Variants in SFRP1 observed in about 807,000 individuals in gnomAD.
SFRP1 encodes secreted frizzled-related protein 1.
A neutral mutation model predicts 25.9 loss-of-function variants in SFRP1; 9 were observed. The observed-to-expected ratio is 0.35, with a 90% confidence interval of 0.21 to 0.61. The LOEUF (loss-of-function observed/expected upper bound fraction) is 0.61. Among genes scored for constraint, SFRP1 ranks in the 20% least tolerant of loss-of-function variants. The pLI is 0.78. For missense variants in SFRP1, 346 were observed against 418.2 expected (o/e 0.83, Z 1.51); for synonymous variants, 178 against 174.0 (o/e 1.02, Z -0.18).
Position 41,265,598 on chromosome 8 carries a change from T to G in SFRP1, c.623-109A>C, listed in dbSNP as rs1000179079. 9 of 763,966 alleles carry G rather than the reference T, an allele frequency of 1.2e-5. No individual in the cohort carries two copies. The African/African-American group carries it at 1.6e-4, about 14-fold the overall frequency. 47.3% of individuals were successfully genotyped at this position (763,966 alleles called of 1,614,324 possible). ...GTGATTGCATTTTATTATTTTATTT[T>G]TTGGCTTATACTTTCTTCTTGTAAA... On this transcript the variant is annotated intron_variant, in intron 2 of 2. Coordinates refer to ENST00000220772, the MANE Select transcript of SFRP1 (RefSeq NM_003012.5).
intron 2 of SFRP1, among the ~76,000 whole-genome samples, chr8:41,285,133 A>G (rs1478947854): frequency 1.3e-5 from 2 of 152,252 alleles, no homozygotes; most frequent in African/African-American, 2.4e-5. Context: ...CGAACTTCAC[A>G]TATAGATGCA....
chr8:41,271,114 A>T (rs1803500065), intron 2 of SFRP1: 1 of 154,186 alleles, frequency 6.5e-6, no homozygotes, highest in Admixed American at 6.5e-5. Flanking sequence ...CAAAAACCGT[A>T]GTTACTTCTG....
intron 2 of SFRP1, among the ~76,000 whole-genome samples, chr8:41,297,551 A>G (rs1478213397): frequency 6.6e-6 from 1 of 152,156 alleles, no homozygotes; most frequent in African/African-American, 2.4e-5. Flanking sequence ...AGACATAATA[A>G]TTATTACAGA....
At chr8:41,301,499 C>A (rs1803916228) in intron 2 of SFRP1, among the ~76,000 whole-genome samples, 1 of 151,982 alleles carries the variant, frequency 6.6e-6, no homozygotes, top group Non-Finnish European at 1.5e-5. Context: ...GACAAAAAAA[C>A]AAAAAGGTTT....
chr8:41,288,821 G>A (rs1212274197), intron 2 of SFRP1, among the ~76,000 whole-genome samples: 1 of 152,162 alleles, frequency 6.6e-6, no homozygotes, highest in African/African-American at 2.4e-5. Context: ...CAGCGGAAGG[G>A]GCTCCTATGC....
At chr8:41,291,352 A>T (rs980390084) in intron 2 of SFRP1, among the ~76,000 whole-genome samples, 43 of 152,134 alleles carry the variant, frequency 2.8e-4, no homozygotes, top group African/African-American at 9.2e-4. Flanking sequence ...CTGTTTTGTC[A>T]TCATTTCTAG....
intron 2 of SFRP1, among the ~76,000 whole-genome samples, chr8:41,269,194 T>C (rs1238816793): frequency 6.6e-6 from 1 of 152,206 alleles, no homozygotes; most frequent in Non-Finnish European, 1.5e-5. Flanking sequence ...ACTACCACCT[T>C]GGACCCTGGA....
chr8:41,306,925 C>T (rs1585524360), intron 1 of SFRP1: 2 of 1,562,262 alleles, frequency 1.3e-6, no homozygotes, highest in Admixed American at 1.8e-5. Flanking sequence ...TCCAATCCCC[C>T]CATGTTCCCT....
At position 41,308,601 on chromosome 8, in the gene SFRP1, A is replaced by T; in HGVS notation, c.544+15T>A. ...GGAGGGGGCGGCTCGCGCACGTGGGAGGAGGCAGCCTTACCTTGGGGCTTG... is the reference window on the plus strand; with the variant it reads ...GGAGGGGGCGGCTCGCGCACGTGGGTGGAGGCAGCCTTACCTTGGGGCTTG... On this transcript the variant is annotated intron_variant, in intron 1 of 2. Coordinates refer to ENST00000220772, the MANE Select transcript of SFRP1 (RefSeq NM_003012.5). 1 of 1,562,370 alleles carries T rather than the reference A, an allele frequency of 6.4e-7. No individual in the cohort carries two copies.
intron 2 of SFRP1, among the ~76,000 whole-genome samples, chr8:41,299,301 A>G (rs1443913694): frequency 1.3e-5 from 2 of 151,940 alleles, no homozygotes; most frequent in Non-Finnish European, 2.9e-5. Flanking sequence ...GTTGTTTTCC[A>G]CCTATCAATT....
chr8:41,306,728 G>A (rs560270265), intron 1 of SFRP1: 30 of 1,597,876 alleles, frequency 1.9e-5, no homozygotes, highest in Non-Finnish European at 2.5e-5. Context: ...CTACCTGAGC[G>A]CTGCTGGGAG....
chr8:41,285,803 G>A (rs973874788), intron 2 of SFRP1, among the ~76,000 whole-genome samples: 4 of 152,112 alleles, frequency 2.6e-5, no homozygotes, highest in East Asian at 1.9e-4. Flanking sequence ...CAGTTAGCTC[G>A]AGCGGGATGG....
intron 2 of SFRP1, among the ~76,000 whole-genome samples, chr8:41,280,987 C>A (rs916440054): frequency 2.6e-5 from 4 of 152,264 alleles, no homozygotes; most frequent in African/African-American, 9.6e-5. Flanking sequence ...GACCGTGCTT[C>A]TCTTCCTACT....
chr8:41,306,679 T>A (rs755430088), intron 1 of SFRP1: 9 of 1,586,938 alleles, frequency 5.7e-6, no homozygotes, highest in Admixed American at 3.4e-5. Flanking sequence ...TCTCCCCACT[T>A]TTCTCTTTGC....
intron 2 of SFRP1, among the ~76,000 whole-genome samples, chr8:41,270,570 T>C (rs1487595551): frequency 6.6e-6 from 1 of 152,034 alleles, no homozygotes; most frequent in Non-Finnish European, 1.5e-5. Flanking sequence ...TCACAGAGGC[T>C]GTCAATGTTG....
At chr8:41,285,176 C>T (rs7834090) in intron 2 of SFRP1, among the ~76,000 whole-genome samples, 23,999 of 152,146 alleles carry the variant, frequency 0.16, 3,317 homozygotes, top group East Asian at 0.35. Flanking sequence ...ATTTAAGAGG[C>T]CATCTAACCA....
At chr8:41,272,378 G>T (rs1024924656) in intron 2 of SFRP1, among the ~76,000 whole-genome samples, 8 of 152,244 alleles carry the variant, frequency 5.3e-5, no homozygotes, top group African/African-American at 1.9e-4. Flanking sequence ...GCCAAGGCAG[G>T]TGGATCACTT....
chr8:41,268,371 C>T (rs963686129), intron 2 of SFRP1, among the ~76,000 whole-genome samples: 2 of 152,178 alleles, frequency 1.3e-5, no homozygotes, highest in Admixed American at 6.5e-5. Context: ...ATACACACCA[C>T]GACCCGGTTA....
intron 2 of SFRP1, among the ~76,000 whole-genome samples, chr8:41,303,076 G>GCCAGTC (rs1803948010): frequency 6.9e-6 from 1 of 144,570 alleles, no homozygotes; most frequent in African/African-American, 2.6e-5. Flanking sequence ...AAAAAAAAGA[G>GCCAGTC]CCAGTCCGGA....
Sources: allele counts gnomAD v4.1 joint callset (sites outside exome capture counted in the v4.1 genomes callset), GRCh38; gene constraint gnomAD v4.1.1; transcripts MANE v1.5; gene names NCBI Gene and HGNC (gene_info 2026-07-23, HGNC 2026-07-21).